Variants in EML1 observed in about 807,000 individuals in gnomAD.
The protein encoded by EML1 is EMAP like 1, also known as echinoderm microtubule-associated protein-like 1.
EML1 carries 27 observed loss-of-function variants against 110.4 expected under a neutral mutation model. The ratio of observed to expected loss-of-function variants is 0.24; its 90% CI spans 0.18 to 0.34. EML1 has a LOEUF of 0.34. Ranked by LOEUF, EML1 falls within the 10% of genes least tolerant of loss-of-function variation. The pLI, the probability that EML1 is intolerant of heterozygous loss-of-function variation, is 1.00. For synonymous variants in EML1, 344 were observed against 385.8 expected (o/e 0.89, Z 1.27); for missense variants, 741 against 1,030.9 (o/e 0.72, Z 3.85).
intron 1 of EML1, among the ~76,000 whole-genome samples, chr14:99,749,484 T>C (rs578098360): frequency 6.6e-6 from 1 of 152,330 alleles, no homozygotes; most frequent in South Asian, 2.1e-4. Context: ...GGTTTTCATA[T>C]CTGTAAAATG....
At chr14:99,901,268 G>T (rs1479371353) in intron 9 of EML1, among the ~76,000 whole-genome samples, 2 of 152,168 alleles carry the variant, frequency 1.3e-5, no homozygotes, top group Non-Finnish European at 2.9e-5. Context: ...CATGGGTTTG[G>T]TGATGAAAAC....
intron 8 of EML1, among the ~76,000 whole-genome samples, chr14:99,899,777 G>A (rs539404959): frequency 1.3e-5 from 2 of 151,038 alleles, no homozygotes; most frequent in South Asian, 4.2e-4. Context: ...TAAGCTATTT[G>A]TTCCTCCCTC....
chr14:99,857,448 T>A (rs908188947), intron 2 of EML1, among the ~76,000 whole-genome samples: 1 of 152,190 alleles, frequency 6.6e-6, no homozygotes. Context: ...TCACATACCA[T>A]AAAACTGACC....
chr14:99,928,519 G>A (rs955930915), intron 17 of EML1, among the ~76,000 whole-genome samples: 1 of 152,118 alleles, frequency 6.6e-6, no homozygotes, highest in East Asian at 1.9e-4. Flanking sequence ...TGTTGCCACA[G>A]GGTAGGGGAT....
chr14:99,777,263 G>A (rs8008197), intron 1 of EML1, among the ~76,000 whole-genome samples: 39,805 of 151,848 alleles, frequency 0.26, 6,312 homozygotes, highest in African/African-American at 0.44. Flanking sequence ...AAAAAATCAA[G>A]CAGTTCTACA....
intron 9 of EML1, among the ~76,000 whole-genome samples, chr14:99,904,084 A>G (rs76882568): frequency 0.033 from 5,097 of 152,182 alleles, 293 homozygotes; most frequent in African/African-American, 0.12. Flanking sequence ...TGCCTGGCCA[A>G]TGTATTCAAT....
intron 1 of EML1, among the ~76,000 whole-genome samples, chr14:99,837,379 T>G (rs2058557412): frequency 6.6e-6 from 1 of 152,242 alleles, no homozygotes; most frequent in Non-Finnish European, 1.5e-5. Flanking sequence ...AGCTGATGTT[T>G]AATATATTTT....
chr14:99,738,971 G>C (rs1378133180), intron 1 of EML1, among the ~76,000 whole-genome samples: 3 of 152,134 alleles, frequency 2.0e-5, no homozygotes, highest in African/African-American at 7.2e-5. Context: ...GATCGTGGGT[G>C]ACAGCACCCT....
intron 1 of EML1, among the ~76,000 whole-genome samples, chr14:99,780,938 A>T (rs1196021114): frequency 1.3e-5 from 2 of 152,092 alleles, no homozygotes; most frequent in Admixed American, 1.3e-4. Flanking sequence ...AGTTCTTAGA[A>T]CGTATCCCAT....
chr14:99,929,994 G>T (rs535252822), intron 17 of EML1, among the ~76,000 whole-genome samples: 1 of 152,266 alleles, frequency 6.6e-6, no homozygotes, highest in South Asian at 2.1e-4. Context: ...GCCTTCCCAG[G>T]ATGTGGGAAG....
At position 99,823,860 on chromosome 14, in the gene EML1, C is replaced by T. The variant is rs1243372305; in HGVS notation, c.68-26993C>T. 2.0e-5 allele frequency among the ~76,000 whole-genome samples: 3 copies of T among 152,166 alleles called. No homozygotes were observed. In the East Asian group the frequency reaches 5.8e-4, roughly 29 times the overall value. The stretch of plus-strand genomic sequence containing the variant: ...AAACTGGAGTCAGGCGCCATTTCCT[C>T]CAGGAAGCTTTCCCTGATTCTTCCA... On this transcript the variant is annotated intron_variant, in intron 1 of 21. Coordinates refer to ENST00000262233, the MANE Select transcript of EML1 (RefSeq NM_004434.3).
intron 1 of EML1, among the ~76,000 whole-genome samples, chr14:99,739,739 A>G (rs1244506690): frequency 1.3e-5 from 2 of 152,218 alleles, no homozygotes; most frequent in Non-Finnish European, 2.9e-5. Flanking sequence ...ACTTATGGGT[A>G]GAAGGGGGTC....
intron 2 of EML1, 110 bp from the exon 3 acceptor site, chr14:99,865,404 C>A: frequency 7.2e-7 from 1 of 1,396,238 alleles, no homozygotes; most frequent in East Asian, 2.3e-5. Flanking sequence ...CTGCTCACCT[C>A]CTCCTGCTGT....
exon 1 of EML1, chr14:99,772,995 C>G (rs919131274): frequency 6.6e-6 from 1 of 152,176 alleles, no homozygotes; most frequent in Non-Finnish European, 1.5e-5. Flanking sequence ...GGATGCAGAG[C>G]GGTCACAGGC....
At chr14:99,902,874 A>G (rs2059784597) in intron 9 of EML1, among the ~76,000 whole-genome samples, 1 of 152,256 alleles carries the variant, frequency 6.6e-6, no homozygotes, top group Admixed American at 6.5e-5. Flanking sequence ...GAGACAAGGT[A>G]CAAGGCCAGT....
chr14:99,910,853 G>A (rs1184646578), intron 12 of EML1, among the ~76,000 whole-genome samples: 2 of 152,168 alleles, frequency 1.3e-5, no homozygotes, highest in Non-Finnish European at 2.9e-5. Context: ...AGTCCAGTGA[G>A]CATTTATGAG....
chr14:99,760,358 C>T (rs1208346833), intron 1 of EML1, among the ~76,000 whole-genome samples: 1 of 152,078 alleles, frequency 6.6e-6, no homozygotes, highest in East Asian at 1.9e-4. Flanking sequence ...CTCCAGTTTC[C>T]TCCCCCCACC....
At chr14:99,824,207 G>A (rs993400755) in intron 1 of EML1, among the ~76,000 whole-genome samples, 1 of 152,122 alleles carries the variant, frequency 6.6e-6, no homozygotes, top group Non-Finnish European at 1.5e-5. Context: ...CGATCCACCC[G>A]CCTCAGCCTC....
chr14:99,847,080 T>A (rs193031811), intron 1 of EML1, among the ~76,000 whole-genome samples: 11 of 152,366 alleles, frequency 7.2e-5, no homozygotes, highest in African/African-American at 2.2e-4. Flanking sequence ...TTATTCTAAT[T>A]TCTCCTGATA....
Sources: gnomAD v4.1 joint callset for allele counts (sites outside exome capture counted in the v4.1 genomes callset) on GRCh38, gnomAD v4.1.1 for gene constraint, MANE v1.5 for transcripts, NCBI Gene and HGNC (gene_info 2026-07-23, HGNC 2026-07-21) for gene names.